Variants in CELF1 observed in about 807,000 individuals in gnomAD.
The protein encoded by CELF1 is CUGBP Elav-like family member 1.
Under a neutral mutation model 61.8 loss-of-function variants are expected in CELF1, and 10 were observed. The ratio of observed to expected loss-of-function variants is 0.16; its 90% CI spans 0.10 to 0.27. CELF1 has a LOEUF of 0.27. CELF1 is among the 10% of genes least tolerant of loss of function. The pLI is 1.00. For missense variants in CELF1, 380 were observed against 639.1 expected, an observed-to-expected ratio of 0.59 and a Z score of 4.37; for synonymous variants, 236 against 225.1, an observed-to-expected ratio of 1.05 and a Z score of -0.43.
At chr11:47,472,814 G>A (rs1284527366) in intron 14 of CELF1, among the ~76,000 whole-genome samples, 1 of 152,084 alleles carries the variant, frequency 6.6e-6, no homozygotes, top group Non-Finnish European at 1.5e-5. Context: ...CCAAGTACTG[G>A]GACTTACAGG....
chr11:47,507,807 G>A (rs1193878434), intron 1 of CELF1, among the ~76,000 whole-genome samples: 1 of 152,046 alleles, frequency 6.6e-6, no homozygotes, highest in Admixed American at 6.6e-5. Context: ...TAAAATAGGT[G>A]CTCAAGTATT....
chr11:47,563,149 G>A (rs1182911675), intron 2 of CELF1, among the ~76,000 whole-genome samples: 2 of 151,944 alleles, frequency 1.3e-5, no homozygotes, highest in Non-Finnish European at 2.9e-5. Context: ...CCAAAAGGTC[G>A]GGGCTACAGT....
intron 1 of CELF1, among the ~76,000 whole-genome samples, chr11:47,552,360 C>A (rs1008410169): frequency 3.3e-5 from 5 of 152,234 alleles, no homozygotes; most frequent in African/African-American, 1.2e-4. Context: ...TGGTCCCTAG[C>A]GAAGAAAGCG....
chr11:47,515,308 G>A (rs948288343), intron 1 of CELF1, among the ~76,000 whole-genome samples: 3 of 152,258 alleles, frequency 2.0e-5, no homozygotes, highest in South Asian at 2.1e-4. Context: ...ACCGAGGGAG[G>A]GTGCTCGCTC....
intron 2 of CELF1, among the ~76,000 whole-genome samples, chr11:47,559,676 C>T (rs191035563): frequency 3.7e-4 from 56 of 152,102 alleles, no homozygotes; most frequent in Non-Finnish European, 1.2e-4. Context: ...TCTATTGCAC[C>T]GACAATATAA....
At chr11:47,560,673 GA>G (rs2097222239) in intron 2 of CELF1, among the ~76,000 whole-genome samples, 1 of 152,104 alleles carries the variant, frequency 6.6e-6, no homozygotes, top group South Asian at 2.1e-4. Flanking sequence ...GCAACCCTGT[GA>G]GTATATTAAC....
chr11:47,475,649 C>T, intron 12 of CELF1, 128 bp from the exon 13 acceptor site: 2 of 862,032 alleles, frequency 2.3e-6, no homozygotes, highest in Non-Finnish European at 1.8e-6. Context: ...CTTAGTTTCT[C>T]CCTGAGAAGA....
intron 1 of CELF1, among the ~76,000 whole-genome samples, chr11:47,522,157 C>T (rs2095944595): frequency 6.6e-6 from 1 of 151,992 alleles, no homozygotes; most frequent in African/African-American, 2.4e-5. Flanking sequence ...AGGTGATCTG[C>T]CTGCCTCGGC....
rs2096086855 is a variant in CELF1, at chr11:47,523,912, G to GT, written c.-153-22981dup. The GT allele has an allele frequency of 2.6e-5, 4 of 152,138 alleles. No individual in the cohort carries two copies. In the South Asian group the frequency reaches 6.2e-4, roughly 24 times the overall value. The allele number at this position is 152,138 out of a possible 1,614,324, so 9.4% of individuals were successfully genotyped here. A position where few individuals can be genotyped will look rare whatever the true frequency, so the allele number is the denominator to read the frequency against. On this transcript the variant is annotated intron_variant, in intron 1 of 14. Transcript: ENST00000687097. ...CAAGAAAGTATCCTTTTAAAATACAGTAACAAACCCAGTATCTTCTGAAAA... is the reference window on the plus strand; with the variant it reads ...CAAGAAAGTATCCTTTTAAAATACAGTTAACAAACCCAGTATCTTCTGAAAA...
rs937977138 is a variant in CELF1, at chr11:47,470,813, C to T, written c.*1417G>A. 2 of 152,234 alleles carry T rather than the reference C, an allele frequency of 1.3e-5. No homozygotes were observed. The highest frequency in any genetic ancestry group is 2.9e-5 in the Non-Finnish European group (2 of 68,068). The allele number at this position is 152,234 out of a possible 1,614,324, so 9.4% of individuals were successfully genotyped here. A position where few individuals can be genotyped will look rare whatever the true frequency, so the allele number is the denominator to read the frequency against. ...CCAACAGCATGTCCTTCCTGGTTCT[C>T]TACCCCCACAGCACTTCTTAGAGCA... On this transcript the variant is annotated 3_prime_UTR_variant, in exon 15 of 15. Coordinates refer to ENST00000687097, the MANE Select transcript of CELF1 (RefSeq NM_001376376.1).
At chr11:47,486,667 C>T in intron 6 of CELF1, 83 bp downstream of exon 6, 1 of 1,153,474 alleles carries the variant, frequency 8.7e-7, no homozygotes, top group Non-Finnish European at 1.3e-6. Flanking sequence ...CTTGGCCTCC[C>T]AAAGTGCTGG....
Position 47,472,106 on chromosome 11 carries a change from C to T in CELF1, c.*124G>A, listed in dbSNP as rs139860706. ...GAGTCTTCAGGGCAAGCTGTGCCTG[C>T]GAGAGTGGCAGGGATCAGGGTCCAG... On this transcript the variant is annotated 3_prime_UTR_variant, in exon 15 of 15. Coordinates refer to ENST00000687097, the MANE Select transcript of CELF1 (RefSeq NM_001376376.1). The T allele has an allele frequency of 5.2e-6, 6 of 1,154,380 alleles. No homozygotes were observed. The highest frequency in any genetic ancestry group is 1.5e-5 in the South Asian group (1 of 66,466). The allele number at this position is 1,154,380 out of a possible 1,614,324, so 71.5% of individuals were successfully genotyped here. A position where few individuals can be genotyped will look rare whatever the true frequency, so the allele number is the denominator to read the frequency against.
At chr11:47,506,124 G>A (rs1343251386) in intron 1 of CELF1, among the ~76,000 whole-genome samples, 4 of 149,114 alleles carry the variant, frequency 2.7e-5, no homozygotes, top group African/African-American at 7.4e-5. Context: ...TAGCCGATGA[G>A]TTAAAAAAAA....
chr11:47,484,986 C>A (rs2085810177), intron 6 of CELF1, among the ~76,000 whole-genome samples: 1 of 152,160 alleles, frequency 6.6e-6, no homozygotes, highest in South Asian at 2.1e-4. Context: ...CTTCACGTCT[C>A]TTTTTATAAC....
chr11:47,518,267 T>C (rs1597706818), intron 1 of CELF1, among the ~76,000 whole-genome samples: 1 of 152,238 alleles, frequency 6.6e-6, no homozygotes, highest in Non-Finnish European at 1.5e-5. Context: ...ATAACGTTCA[T>C]GCAGCTGGGA....
intron 1 of CELF1, among the ~76,000 whole-genome samples, chr11:47,527,280 A>G (rs2096279496): frequency 6.6e-6 from 1 of 151,972 alleles, no homozygotes; most frequent in Non-Finnish European, 1.5e-5. Context: ...AGTCCCAACT[A>G]CTCAGGGGGC....
intron 1 of CELF1, among the ~76,000 whole-genome samples, chr11:47,531,247 C>T (rs1054693216): frequency 3.4e-5 from 5 of 147,530 alleles, no homozygotes; most frequent in Non-Finnish European, 7.5e-5. Context: ...CGAATCAAAA[C>T]AACAACAACA....
At position 47,472,164 on chromosome 11, in the gene CELF1, CA is replaced by C; in HGVS notation, c.*65del. ...AACACACAGCCTCAGGGCTTCGAAT[CA>C]TTAAGGGTGCTCCTCCCCCACTTAC... On this transcript the variant is annotated 3_prime_UTR_variant, in exon 15 of 15. Transcript: ENST00000687097. 2 of 1,590,466 alleles carry C rather than the reference CA, an allele frequency of 1.3e-6. No homozygotes were observed. The highest frequency in any genetic ancestry group is 2.7e-5 in the African/African-American group (2 of 74,622).
chr11:47,554,461 T>A (rs535235127), upstream of CELF1, among the ~76,000 whole-genome samples: 2 of 152,246 alleles, frequency 1.3e-5, no homozygotes, highest in East Asian at 3.9e-4. Context: ...CCTTTTGTGC[T>A]CCATAGAATC....
Sources: allele counts gnomAD v4.1 joint callset (sites outside exome capture counted in the v4.1 genomes callset), GRCh38; gene constraint gnomAD v4.1.1; transcripts MANE v1.5; gene names NCBI Gene and HGNC (gene_info 2026-07-23, HGNC 2026-07-21).